METTL15: variants seen among roughly 807,000 people sequenced by gnomAD.
The protein encoded by METTL15 is 12S rRNA N(4)-cytidine methyltransferase METTL15.
A neutral mutation model predicts 38.3 loss-of-function variants in METTL15; 34 were observed. The ratio of observed to expected loss-of-function variants is 0.89; its 90% confidence interval spans 0.68 to 1.18. The LOEUF (loss-of-function observed/expected upper bound fraction) is 1.18, where lower values mean the gene tolerates loss of function less well. Among genes scored for constraint, METTL15 ranks in the 50% most tolerant of loss-of-function variants. The pLI is 0.00. For missense variants in METTL15, 438 were observed against 498.4 expected, an observed-to-expected ratio of 0.88 and a Z score of 1.15; for synonymous variants, 162 against 170.9, an observed-to-expected ratio of 0.95 and a Z score of 0.41.
intron 6 of METTL15, among the ~76,000 whole-genome samples, chr11:28,487,854 T>C (rs1851450997): frequency 1.3e-5 from 2 of 152,184 alleles, no homozygotes; most frequent in African/African-American, 4.8e-5. Context: ...CATGAATCTA[T>C]AGTTTGGAAG....
rs143773157 is a variant in METTL15 at position 28,281,656 on chromosome 11, G to A, written c.408-8550G>A. On this transcript the variant is annotated intron_variant, in intron 4 of 6. Transcript: ENST00000407364. ...AATGTATTGATTTTTATTGTTTCCT[G>A]GGATACAAGCTCTACAGTCATTGGT... 9.8e-4 allele frequency among the ~76,000 whole-genome samples: 149 copies of A among 152,288 alleles called. 1 individual carries two copies. The highest frequency in any genetic ancestry group is 3.4e-3 in the Middle Eastern group (1 of 294).
At chr11:28,131,854 T>C (rs1849348925) in intron 3 of METTL15, among the ~76,000 whole-genome samples, 1 of 152,214 alleles carries the variant, frequency 6.6e-6, no homozygotes. Context: ...AAAAGATTAA[T>C]GTTATAAAGT....
chr11:28,291,582 G>A (rs941924400), intron 5 of METTL15, among the ~76,000 whole-genome samples: 1 of 151,960 alleles, frequency 6.6e-6, no homozygotes, highest in African/African-American at 2.4e-5. Flanking sequence ...ACCTGTAGTT[G>A]TTGGGACTCT....
intron 3 of METTL15, among the ~76,000 whole-genome samples, chr11:28,173,932 T>A (rs182773326): frequency 6.6e-6 from 1 of 152,368 alleles, no homozygotes; most frequent in Admixed American, 6.5e-5. Context: ...AGTGCCATTT[T>A]CATTATGTCA....
At chr11:28,426,904 A>C (rs1392851228) in intron 6 of METTL15, among the ~76,000 whole-genome samples, 1 of 151,808 alleles carries the variant, frequency 6.6e-6, no homozygotes, top group East Asian at 1.9e-4. Context: ...GTTCACTCTG[A>C]TGATAGGTTT....
At chr11:28,484,998 C>A (rs1270569101) in intron 6 of METTL15, among the ~76,000 whole-genome samples, 1 of 151,986 alleles carries the variant, frequency 6.6e-6, no homozygotes, top group Non-Finnish European at 1.5e-5. Context: ...TAAACTGAGG[C>A]CTGGAGAGGA....
At chr11:28,267,562 C>T (rs1565212250) in intron 4 of METTL15, among the ~76,000 whole-genome samples, 1 of 152,180 alleles carries the variant, frequency 6.6e-6, no homozygotes, top group Non-Finnish European at 1.5e-5. Flanking sequence ...TCTCCCACTC[C>T]CATTAGAATA....
downstream of METTL15, among the ~76,000 whole-genome samples, chr11:28,337,167 T>C (rs1849908301): frequency 2.0e-5 from 3 of 152,164 alleles, no homozygotes; most frequent in Admixed American, 2.0e-4. Flanking sequence ...AGCTCTGTTA[T>C]TACAAAAGAG....
At chr11:28,425,795 C>G (rs1488108345) in intron 6 of METTL15, among the ~76,000 whole-genome samples, 2 of 152,142 alleles carry the variant, frequency 1.3e-5, no homozygotes, top group Non-Finnish European at 1.5e-5. Flanking sequence ...ACAGAGTCTG[C>G]CACATAAGAC....
chr11:28,124,200 C>T (rs1398779148), intron 3 of METTL15, among the ~76,000 whole-genome samples: 4 of 152,054 alleles, frequency 2.6e-5, no homozygotes, highest in Non-Finnish European at 5.9e-5. Context: ...TTTTTCCCCT[C>T]AAACCTAAGT....
chr11:28,357,791 T>A (rs2133365798), intron 4 of METTL15, among the ~76,000 whole-genome samples: 1 of 152,272 alleles, frequency 6.6e-6, no homozygotes, highest in South Asian at 2.1e-4. Flanking sequence ...AATCTTCATT[T>A]CTTTCGGGAT....
chr11:28,309,909 C>G (rs1190084398), intron 6 of METTL15, among the ~76,000 whole-genome samples: 3 of 152,078 alleles, frequency 2.0e-5, no homozygotes, highest in Non-Finnish European at 4.4e-5. Flanking sequence ...TACCATTGTT[C>G]ATCTGTTATT....
intron 6 of METTL15, among the ~76,000 whole-genome samples, chr11:28,329,099 C>A (rs1247730310): frequency 2.0e-5 from 3 of 152,066 alleles, no homozygotes; most frequent in Non-Finnish European, 2.9e-5. Flanking sequence ...TGTACTTTTA[C>A]AGTTAGGTCT....
chr11:28,111,075 A>T (rs1195141303), intron 2 of METTL15, among the ~76,000 whole-genome samples: 2 of 152,070 alleles, frequency 1.3e-5, no homozygotes, highest in African/African-American at 4.8e-5. Flanking sequence ...CCCAGCTTCC[A>T]TTTTTTTAGG....
At chr11:28,430,148 C>T (rs1159949919) in intron 6 of METTL15, among the ~76,000 whole-genome samples, 3 of 151,394 alleles carry the variant, frequency 2.0e-5, no homozygotes, top group South Asian at 2.1e-4. Context: ...AAGTGAGGAG[C>T]CCCTCCGCCC....
downstream of METTL15, among the ~76,000 whole-genome samples, chr11:28,338,342 A>G (rs1163605655): frequency 6.6e-6 from 1 of 152,154 alleles, no homozygotes; most frequent in Non-Finnish European, 1.5e-5. Flanking sequence ...TATTCTTTAT[A>G]GAAATCTTCT....
intron 6 of METTL15, among the ~76,000 whole-genome samples, chr11:28,511,017 A>C (rs1851669254): frequency 6.6e-6 from 1 of 152,182 alleles, no homozygotes; most frequent in African/African-American, 2.4e-5. Flanking sequence ...TGTATCGTAG[A>C]CTTCTTAAGA....
At chr11:28,256,467 C>A (rs967491320) in intron 4 of METTL15, among the ~76,000 whole-genome samples, 1 of 152,062 alleles carries the variant, frequency 6.6e-6, no homozygotes, top group African/African-American at 2.4e-5. Context: ...TCCATTTCTT[C>A]TAGATTTTTC....
At chr11:28,505,227 GAATGAAGA>G (rs1452878032) in intron 6 of METTL15, among the ~76,000 whole-genome samples, 1 of 152,102 alleles carries the variant, frequency 6.6e-6, no homozygotes, top group Non-Finnish European at 1.5e-5. Context: ...TATTTTTCTT[GAATGAAGA>G]TCTATCACTT....
Sources: allele counts gnomAD v4.1 joint callset (sites outside exome capture counted in the v4.1 genomes callset), GRCh38; gene constraint gnomAD v4.1.1; transcripts MANE v1.5; gene names NCBI Gene and HGNC (gene_info 2026-07-23, HGNC 2026-07-21).